The following NTRK2 variants were observed in gnomAD, a reference collection of about 807,000 sequenced individuals.
The protein encoded by NTRK2 is neurotrophic receptor tyrosine kinase 2.
NTRK2 carries 13 observed loss-of-function variants against 94.5 expected under a neutral mutation model. The observed-to-expected ratio is 0.14, with a 90% CI of 0.09 to 0.22. The LOEUF (loss-of-function observed/expected upper bound fraction) is 0.22. NTRK2 is among the 10% of genes least tolerant of loss of function. The pLI is 1.00. For synonymous variants in NTRK2, 372 were observed against 407.4 expected, an observed-to-expected ratio of 0.91 and a Z score of 1.05; for missense variants, 639 against 1,071.2, an observed-to-expected ratio of 0.60 and a Z score of 5.63.
At chr9:84,954,957 C>T in intron 16 of NTRK2, among the ~76,000 whole-genome samples, 1 of 152,314 alleles carries the variant, frequency 6.6e-6, no homozygotes, top group South Asian at 2.1e-4. Flanking sequence ...CTGGTAAGTG[C>T]CTGAACCCAG....
At chr9:84,974,819 T>A (rs1290019547) in intron 17 of NTRK2, among the ~76,000 whole-genome samples, 2 of 152,156 alleles carry the variant, frequency 1.3e-5, no homozygotes, top group Non-Finnish European at 2.9e-5. Flanking sequence ...TGGCTTCAGC[T>A]TTCCCTAAGC....
intron 5 of NTRK2, among the ~76,000 whole-genome samples, chr9:84,708,716 A>G (rs1315606450): frequency 1.3e-5 from 2 of 152,206 alleles, no homozygotes; most frequent in Admixed American, 6.5e-5. Flanking sequence ...GAGTCTTTTT[A>G]TGAAGATCCA....
In NTRK2 at chr9:85,025,721, ATGT is replaced by A. The variant is rs1055671325; in HGVS notation, c.*4287_*4289del. ...CCCTGTCTCAGGACTTTTATTTTCA[ATGT>A]TGACCTTTGGTTTGGCCATATATCA... On this transcript the variant is annotated 3_prime_UTR_variant, in exon 19 of 19. Transcript: ENST00000277120. 2.6e-5 allele frequency: 6 copies of A among 232,754 alleles called. No homozygotes were observed. Among genetic ancestry groups the A allele is most frequent in the Admixed American group, 1.1e-4 (2 of 17,752 alleles). 14.4% of individuals were successfully genotyped at this position (232,754 alleles called of 1,614,324 possible).
intron 17 of NTRK2, among the ~76,000 whole-genome samples, chr9:85,004,582 A>T (rs1219132094): frequency 6.6e-6 from 1 of 152,238 alleles, no homozygotes; most frequent in African/African-American, 2.4e-5. Flanking sequence ...ATTGTAGAGG[A>T]TAGAGACCTT....
At chr9:84,968,746 A>G (rs1469816231) in intron 17 of NTRK2, among the ~76,000 whole-genome samples, 1 of 152,198 alleles carries the variant, frequency 6.6e-6, no homozygotes, top group Non-Finnish European at 1.5e-5. Context: ...TGCTGTCATG[A>G]TGCCACCATG....
intron 12 of NTRK2, among the ~76,000 whole-genome samples, chr9:84,753,284 C>G (rs1486963931): frequency 6.6e-6 from 1 of 151,986 alleles, no homozygotes; most frequent in African/African-American, 2.4e-5. Context: ...GAGGGACCAC[C>G]CCACAGTGAT....
chr9:84,813,487 G>A, intron 12 of NTRK2: 1 of 1,064,928 alleles, frequency 9.4e-7, no homozygotes, highest in Admixed American at 5.3e-5. Flanking sequence ...TCTTCCCGTT[G>A]CAAATTCACT....
At chr9:84,676,509 C>G (rs1412296023) in intron 2 of NTRK2, among the ~76,000 whole-genome samples, 1 of 152,174 alleles carries the variant, frequency 6.6e-6, no homozygotes, top group African/African-American at 2.4e-5. Flanking sequence ...CACTTAGAAT[C>G]GGAACCTCAG....
intron 15 of NTRK2, among the ~76,000 whole-genome samples, chr9:84,944,215 TCACACA>T (rs56021326): frequency 5.9e-4 from 71 of 120,326 alleles, no homozygotes; most frequent in African/African-American, 1.9e-3. Context: ...TCTCTCTCTC[TCACACA>T]CACACACACA....
intron 2 of NTRK2, among the ~76,000 whole-genome samples, chr9:84,673,942 C>T (rs2058864116): frequency 6.6e-6 from 1 of 152,198 alleles, no homozygotes; most frequent in Admixed American, 6.5e-5. Flanking sequence ...AATTTAAACG[C>T]AGTACCAATG....
chr9:84,675,861 G>A (rs1315620497), intron 2 of NTRK2, among the ~76,000 whole-genome samples: 1 of 152,090 alleles, frequency 6.6e-6, no homozygotes, highest in Non-Finnish European at 1.5e-5. Flanking sequence ...CATTAGAAAA[G>A]TAAAGGTCCC....
At chr9:84,844,245 G>A (rs948347098) in intron 12 of NTRK2, among the ~76,000 whole-genome samples, 1 of 152,242 alleles carries the variant, frequency 6.6e-6, no homozygotes, top group Non-Finnish European at 1.5e-5. Flanking sequence ...CATAGCTGCA[G>A]CTGCCTGAGA....
intron 12 of NTRK2, among the ~76,000 whole-genome samples, chr9:84,839,498 T>C (rs1257463323): frequency 6.6e-6 from 1 of 152,168 alleles, no homozygotes; most frequent in African/African-American, 2.4e-5. Context: ...TCTTAGTACA[T>C]TTTGATTCTC....
At chr9:84,873,597 G>A (rs201380137) in intron 14 of NTRK2, 33 of 1,052,520 alleles carry the variant, frequency 3.1e-5, no homozygotes, top group Non-Finnish European at 3.7e-5. Context: ...CTTTAAAAAA[G>A]CAACTTGAGT....
chr9:84,794,698 G>C lies in NTRK2; in HGVS notation c.1396+42613G>C, dbSNP rs192483089. On this transcript the variant is annotated intron_variant, in intron 12 of 18. Transcript: ENST00000277120. ...CACACAGAGCTTTATAATTATGGTAGAGGGGCATATAGTCAAAGGAGGGGA... is the reference window on the plus strand; with the variant it reads ...CACACAGAGCTTTATAATTATGGTACAGGGGCATATAGTCAAAGGAGGGGA... 8.4e-4 allele frequency among the ~76,000 whole-genome samples: 128 copies of C among 152,292 alleles called. 1 individual carries two copies. Among genetic ancestry groups the C allele is most frequent in the Middle Eastern group, 3.4e-3 (1 of 294 alleles).
At chr9:84,678,996 G>A (rs1170011249) in intron 2 of NTRK2, among the ~76,000 whole-genome samples, 2 of 152,144 alleles carry the variant, frequency 1.3e-5, no homozygotes, top group Non-Finnish European at 2.9e-5. Flanking sequence ...GGCAAAATGG[G>A]ATTGGTGCCC....
At chr9:84,788,644 G>C (rs1006204858) in intron 12 of NTRK2, among the ~76,000 whole-genome samples, 8 of 152,122 alleles carry the variant, frequency 5.3e-5, no homozygotes, top group Admixed American at 1.3e-4. Flanking sequence ...AGCTCAAGGT[G>C]GGGTGTTCTG....
At chr9:84,944,060 A>G (rs921152346) in intron 15 of NTRK2, among the ~76,000 whole-genome samples, 2 of 152,146 alleles carry the variant, frequency 1.3e-5, no homozygotes, top group Non-Finnish European at 2.9e-5. Flanking sequence ...CTCAATTTCA[A>G]AAATGTTACT....
At chr9:84,809,101 C>A (rs1394431429) in intron 12 of NTRK2, among the ~76,000 whole-genome samples, 1 of 152,118 alleles carries the variant, frequency 6.6e-6, no homozygotes, top group Non-Finnish European at 1.5e-5. Flanking sequence ...TTTCCATGGG[C>A]AAGTTCAGTG....
Sources: gnomAD v4.1 joint callset for allele counts (sites outside exome capture counted in the v4.1 genomes callset) on GRCh38, gnomAD v4.1.1 for gene constraint, MANE v1.5 for transcripts, NCBI Gene and HGNC (gene_info 2026-07-23, HGNC 2026-07-21) for gene names.